PTGIS: variants seen among roughly 807,000 people sequenced by gnomAD.
PTGIS encodes prostaglandin I2 synthase.
In PTGIS, 45 loss-of-function variants were observed where a neutral mutation model predicts 50.3. The ratio of observed to expected loss-of-function variants is 0.90; its 90% CI spans 0.70 to 1.15. The LOEUF (loss-of-function observed/expected upper bound fraction) is 1.15, where lower values mean the gene tolerates loss of function less well. PTGIS is among the 50% of genes most tolerant of loss of function. PTGIS has a pLI of 0.00. For missense variants in PTGIS, 668 were observed against 661.3 expected, an observed-to-expected ratio of 1.01 and a Z score of -0.11; for synonymous variants, 260 against 267.7, an observed-to-expected ratio of 0.97 and a Z score of 0.28.
intron 5 of PTGIS, among the ~76,000 whole-genome samples, chr20:49,535,572 G>A (rs1275931350): frequency 2.0e-5 from 3 of 152,204 alleles, no homozygotes; most frequent in Non-Finnish European, 4.4e-5. Context: ...GGAGTGCAGT[G>A]GCGTGATCTT....
chr20:49,560,896 C>T (rs763286600), intron 1 of PTGIS, among the ~76,000 whole-genome samples: 3 of 151,982 alleles, frequency 2.0e-5, no homozygotes, highest in Non-Finnish European at 4.4e-5. Flanking sequence ...CAGGGATCCA[C>T]TGGAGGGTTT....
In PTGIS at chr20:49,568,102, C is replaced by T; in HGVS notation, c.15G>A (p.Ala5=). The part of the protein sequence containing the change: MAWA[A]LLGLLAALLL... Reference sequence around the variant, plus strand: ...ACAGTGCGGCCAGGAGGCCGAGGAGCGCGGCCCAAGCCATCGCGGGGCTGG... The same window carrying T: ...ACAGTGCGGCCAGGAGGCCGAGGAGTGCGGCCCAAGCCATCGCGGGGCTGG... The change falls in exon 1 of 10, where the codon GCG becomes GCA. Residue 5 remains alanine (A), a synonymous_variant. Transcript: ENST00000244043. The T allele has an allele frequency of 1.8e-6, 2 of 1,130,974 alleles. No homozygotes were observed. Among genetic ancestry groups the T allele is most frequent in the South Asian group, 3.0e-5 (2 of 66,008 alleles). The allele number at this position is 1,130,974 out of a possible 1,614,324, so 70.1% of individuals were successfully genotyped here.
intron 1 of PTGIS, among the ~76,000 whole-genome samples, chr20:49,560,968 G>A (rs894403996): frequency 1.1e-4 from 16 of 152,128 alleles, no homozygotes; most frequent in Non-Finnish European, 2.2e-4. Flanking sequence ...AGAAAGACAA[G>A]AGGAAGGAAG....
intron 3 of PTGIS, among the ~76,000 whole-genome samples, chr20:49,545,672 G>C (rs558450124): frequency 6.6e-6 from 1 of 152,284 alleles, no homozygotes; most frequent in African/African-American, 2.4e-5. Context: ...TAAGTCTAAG[G>C]CCTCTCTGCT....
chr20:49,565,525 C>T (rs1982876252), intron 1 of PTGIS, among the ~76,000 whole-genome samples: 1 of 152,086 alleles, frequency 6.6e-6, no homozygotes, highest in South Asian at 2.1e-4. Flanking sequence ...ATTAACTGGG[C>T]ATGGTGGCAC....
chr20:49,542,638 G>A (rs1035194785), intron 4 of PTGIS, among the ~76,000 whole-genome samples: 4 of 152,194 alleles, frequency 2.6e-5, no homozygotes, highest in Non-Finnish European at 5.9e-5. Flanking sequence ...GGTGGTTTCA[G>A]CTGGCCCTCT....
chr20:49,547,605 C>CAAACAAA (rs1982390958), intron 3 of PTGIS, among the ~76,000 whole-genome samples: 1 of 144,488 alleles, frequency 6.9e-6, no homozygotes, highest in Admixed American at 6.9e-5. Context: ...AGGGCTGCCT[C>CAAACAAA]CAAACAAACA....
At chr20:49,511,769 T>G (rs1601177038) in intron 8 of PTGIS, among the ~76,000 whole-genome samples, 1 of 151,842 alleles carries the variant, frequency 6.6e-6, no homozygotes, top group African/African-American at 2.4e-5. Flanking sequence ...GAAAGATGGG[T>G]GGAAGGATAG....
At chr20:49,534,925 G>T (rs560675359) in intron 5 of PTGIS, among the ~76,000 whole-genome samples, 1 of 152,308 alleles carries the variant, frequency 6.6e-6, no homozygotes, top group African/African-American at 2.4e-5. Flanking sequence ...AGGATCGCTT[G>T]AGCCTGGGAG....
chr20:49,552,983 G>GA (rs1050120613), intron 1 of PTGIS, among the ~76,000 whole-genome samples: 7 of 151,964 alleles, frequency 4.6e-5, no homozygotes, highest in African/African-American at 1.4e-4. Context: ...TTGGCTTAAA[G>GA]AAAAAAATCA....
chr20:49,522,089 G>A (rs1159840300), intron 6 of PTGIS, among the ~76,000 whole-genome samples: 2 of 151,828 alleles, frequency 1.3e-5, no homozygotes, highest in East Asian at 1.9e-4. Context: ...CCTCATTTAT[G>A]AGGACCCACA....
At chr20:49,552,861 A>T (rs1982546549) in intron 1 of PTGIS, among the ~76,000 whole-genome samples, 1 of 152,176 alleles carries the variant, frequency 6.6e-6, no homozygotes, top group Non-Finnish European at 1.5e-5. Context: ...AACAGGAGAA[A>T]AAAAGGGGTC....
At chr20:49,558,434 G>C (rs959784806) in intron 1 of PTGIS, among the ~76,000 whole-genome samples, 5 of 152,190 alleles carry the variant, frequency 3.3e-5, no homozygotes, top group Admixed American at 1.3e-4. Context: ...AGGATGTGGA[G>C]AAGTGAGAAC....
At position 49,507,058 on chromosome 20, in the gene PTGIS, A is replaced by G. The variant is rs1601174089; in HGVS notation, c.*862T>C. ...AAGTCCAAACAAAACACGTCTGCAG[A>G]CTGGATCGTGATCACAGTTGGGGCT... On this transcript the variant is annotated 3_prime_UTR_variant, in exon 10 of 10. Coordinates refer to ENST00000244043, the MANE Select transcript of PTGIS (RefSeq NM_000961.4). 1.3e-5 allele frequency: 2 copies of G among 152,220 alleles called. No individual in the cohort carries two copies. The highest frequency in any genetic ancestry group is 2.9e-5 in the Non-Finnish European group (2 of 68,060). 9.4% of individuals were successfully genotyped at this position (152,220 alleles called of 1,614,324 possible).
At position 49,511,163 on chromosome 20, in the gene PTGIS, C is replaced by G. The variant is rs1981311289; in HGVS notation, c.1223G>C (p.Arg408Pro). ...YTDPEVFKYN[R>P]FLNPDGSEKK... ...CTCTGATCCGTCAGGGTTCAGGAAT[C>G]GGTTGTATTTAAATACCTGAAATAG... Residue 408 changes from arginine to proline, a missense_variant, in exon 9 of 10, where the codon CGA becomes CCA. Physicochemically the swap from Arg to Pro is moderately radical, Grantham distance 103. Coordinates refer to ENST00000244043, the MANE Select transcript of PTGIS (RefSeq NM_000961.4). 6.2e-7 allele frequency: 1 copy of G among 1,614,046 alleles called. No homozygotes were observed. The highest frequency in any genetic ancestry group is 1.7e-5 in the Admixed American group (1 of 59,996).
At chr20:49,560,670 G>A (rs1473430347) in intron 1 of PTGIS, among the ~76,000 whole-genome samples, 2 of 152,222 alleles carry the variant, frequency 1.3e-5, no homozygotes, top group Non-Finnish European at 2.9e-5. Context: ...GAGTGCTCTG[G>A]GAGGGGCAGG....
At position 49,537,785 on chromosome 20, in the gene PTGIS, A is replaced by C. The variant is rs571173142; in HGVS notation, c.673+1785T>G. 8.9e-4 allele frequency among the ~76,000 whole-genome samples: 136 copies of C among 152,182 alleles called. 1 individual carries two copies. The South Asian group carries it at 0.027, about 30-fold the overall frequency. On this transcript the variant is annotated intron_variant, in intron 5 of 9. Transcript: ENST00000244043. ...AACAAAAACAAAAACAAAACAAAAA[A>C]CAGGCCAACAGCTAAAAGAAATGCA... is the stretch of plus-strand genomic sequence containing the variant.
chr20:49,539,315 A>T (rs576640955), intron 5 of PTGIS, among the ~76,000 whole-genome samples: 1 of 152,350 alleles, frequency 6.6e-6, no homozygotes, highest in South Asian at 2.1e-4. Context: ...AGGAACACAC[A>T]CACACACAGA....
At chr20:49,517,237 G>A (rs955292998) in intron 6 of PTGIS, among the ~76,000 whole-genome samples, 1 of 152,200 alleles carries the variant, frequency 6.6e-6, no homozygotes, top group Admixed American at 6.5e-5. Flanking sequence ...AAATAGCCAG[G>A]CAAATGCGGA....
Sources: gnomAD v4.1 joint callset for allele counts (sites outside exome capture counted in the v4.1 genomes callset) on GRCh38, gnomAD v4.1.1 for gene constraint, MANE v1.5 for transcripts, NCBI Gene and HGNC (gene_info 2026-07-23, HGNC 2026-07-21) for gene names.